Variants in SLIT1 observed in about 807,000 individuals in gnomAD.
SLIT1 encodes slit guidance ligand 1.
A neutral mutation model predicts 186.1 loss-of-function variants in SLIT1; 66 were observed. The observed-to-expected ratio is 0.35, with a 90% CI of 0.29 to 0.44. The LOEUF (loss-of-function observed/expected upper bound fraction) is 0.44. Among genes scored for constraint, SLIT1 ranks in the 20% least tolerant of loss-of-function variants. The pLI is 1.00. For missense variants in SLIT1, 1,638 were observed against 2,037.4 expected (o/e 0.80, Z 3.77); for synonymous variants, 761 against 833.8 (o/e 0.91, Z 1.50).
At chr10:97,102,952 GAGC>G (rs1849374956) in intron 4 of SLIT1, 1 of 152,228 alleles carries the variant, frequency 6.6e-6, no homozygotes, top group Non-Finnish European at 1.5e-5. Flanking sequence ...CTCAGAGTCT[GAGC>G]TACCATCAAA....
chr10:97,157,634 C>T (rs1403004791), intron 4 of SLIT1, 184 bp downstream of exon 4: 12 of 636,174 alleles, frequency 1.9e-5, no homozygotes, highest in East Asian at 1.3e-4. Context: ...TGGAGAAATA[C>T]CCTGCACAGC....
rs796735405 is a variant in SLIT1 at position 97,166,557 on chromosome 10, AAG to A, written c.198-1669_198-1668del. Among the ~76,000 whole-genome samples the A allele has an allele frequency of 2.2e-3, 120 of 55,174 alleles. 1 individual carries two copies. Among genetic ancestry groups the A allele is most frequent in the African/African-American group, 7.9e-3 (110 of 13,956 alleles). 36.2% of individuals were successfully genotyped at this position (55,174 alleles called of 152,430 possible). ...AAGGAAGGAAGGAAGGAAGGAAGGA[AAG>A]AGAGAGAGAGAGAAAGAAAGAAAGA... On this transcript the variant is annotated intron_variant, in intron 1 of 36. Coordinates refer to ENST00000266058, the MANE Select transcript of SLIT1 (RefSeq NM_003061.3).
intron 30 of SLIT1, among the ~76,000 whole-genome samples, chr10:97,011,598 C>T (rs926799258): frequency 1.3e-5 from 2 of 152,128 alleles, no homozygotes; most frequent in Admixed American, 1.3e-4. Context: ...AGGGCTAGTG[C>T]CCCCTGCTCA....
chr10:97,107,238 CAT>C (rs1229710453), intron 4 of SLIT1, among the ~76,000 whole-genome samples: 1 of 152,374 alleles, frequency 6.6e-6, no homozygotes, highest in East Asian at 1.9e-4. Context: ...TGAGCTGGCT[CAT>C]GTGCTGCTGA....
chr10:97,112,454 G>C (rs571785487), intron 4 of SLIT1, among the ~76,000 whole-genome samples: 2 of 152,296 alleles, frequency 1.3e-5, no homozygotes, highest in South Asian at 4.1e-4. Context: ...CTGGGCCTCA[G>C]GTCCCAGGAC....
At chr10:97,091,838 T>A (rs774864619) in intron 4 of SLIT1, among the ~76,000 whole-genome samples, 12 of 152,160 alleles carry the variant, frequency 7.9e-5, no homozygotes, top group Non-Finnish European at 5.9e-5. Context: ...GCCCTTGCAG[T>A]TCCCAAGTTG....
chr10:97,058,075 C>T (rs1348851059), intron 11 of SLIT1: 1 of 717,234 alleles, frequency 1.4e-6, no homozygotes, highest in Non-Finnish European at 2.6e-6. Context: ...GTGTGCCTGT[C>T]GTGTGTGGAC....
Position 97,018,661 on chromosome 10 carries a change from A to T in SLIT1, c.2894T>A (p.Leu965Gln). The T allele has an allele frequency of 6.3e-7, 1 of 1,591,236 alleles. No homozygotes were observed. Among genetic ancestry groups the T allele is most frequent in the Non-Finnish European group, 8.6e-7 (1 of 1,168,934 alleles). Residue 965 changes from leucine (L) to glutamine (Q), a missense_variant, in exon 28 of 37, where the codon CTG becomes CAG. Leu to Gln is a moderately radical substitution (Grantham distance 113, BLOSUM62 -2). Transcript: ENST00000266058. ...ACAGGGGCCACTGGAACAGCTGTCC[A>T]GGGACACCTCACAGTCTCGACCCTG... Reference protein sequence around the residue: ...GYKGRDCEVSLDSCSSGPCEN... With the variant: ...GYKGRDCEVSQDSCSSGPCEN...
chr10:97,169,261 C>T (rs901663791), intron 1 of SLIT1, among the ~76,000 whole-genome samples: 1 of 152,208 alleles, frequency 6.6e-6, no homozygotes, highest in African/African-American at 2.4e-5. Context: ...AATGCCTCCT[C>T]TCAGGGGAGA....
chr10:97,052,646 CTT>C (rs539492211), intron 13 of SLIT1, among the ~76,000 whole-genome samples: 155 of 152,050 alleles, frequency 1.0e-3, no homozygotes, highest in African/African-American at 3.7e-3. Flanking sequence ...AGAGCTGTTT[CTT>C]TTTTTTAAAT....
intron 2 of SLIT1, among the ~76,000 whole-genome samples, chr10:97,163,889 GA>G (rs1442013373): frequency 6.6e-6 from 1 of 152,234 alleles, no homozygotes; most frequent in Non-Finnish European, 1.5e-5. Context: ...CCAAGGGACA[GA>G]ACGGGGGGAC....
chr10:97,006,404 A>T lies in SLIT1; in HGVS notation c.3579+79T>A. On this transcript the variant is annotated intron_variant, in intron 32 of 36. Coordinates refer to ENST00000266058, the MANE Select transcript of SLIT1 (RefSeq NM_003061.3). The surrounding 1 kb of genome is among the most constrained non-coding windows in gnomAD (Gnocchi z 4.0). The stretch of plus-strand genomic sequence containing the variant: ...CCAGTTCCCCAGGCACCATGCAGGG[A>T]TGTATCCTGATGCTCTGGCCTAAGC... The T allele has an allele frequency of 1.1e-6, 1 of 941,888 alleles. No individual in the cohort carries two copies. The highest frequency in any genetic ancestry group is 1.6e-5 in the African/African-American group (1 of 62,246). The allele number at this position is 941,888 out of a possible 1,614,324, so 58.3% of individuals were successfully genotyped here.
At chr10:97,101,941 T>G (rs914498123) in intron 4 of SLIT1, 3 of 152,268 alleles carry the variant, frequency 2.0e-5, no homozygotes, top group Non-Finnish European at 4.4e-5. Context: ...CTAACCCAGC[T>G]GGGATCCTGC....
At chr10:97,012,997 A>G (rs1848424732) in intron 30 of SLIT1, among the ~76,000 whole-genome samples, 1 of 152,238 alleles carries the variant, frequency 6.6e-6, no homozygotes, top group South Asian at 2.1e-4. Context: ...AGTAACAAAC[A>G]TTTTCACATA....
intron 4 of SLIT1, among the ~76,000 whole-genome samples, chr10:97,140,321 C>G (rs910217565): frequency 6.6e-6 from 1 of 152,168 alleles, no homozygotes; most frequent in African/African-American, 2.4e-5. Flanking sequence ...TACCCTGCAG[C>G]TCTCAGGCCG....
chr10:97,034,780 C>G (rs1047215934), intron 22 of SLIT1, among the ~76,000 whole-genome samples: 14 of 152,144 alleles, frequency 9.2e-5, no homozygotes, highest in African/African-American at 3.1e-4. Context: ...CTGACCCTCA[C>G]CCCCATCCCT....
At chr10:97,014,615 C>T (rs1410426516) in intron 28 of SLIT1, among the ~76,000 whole-genome samples, 1 of 152,076 alleles carries the variant, frequency 6.6e-6, no homozygotes, top group African/African-American at 2.4e-5. Flanking sequence ...GCCTGTAATC[C>T]CAGCACTTTG....
At chr10:97,135,171 A>T (rs1458074963) in intron 4 of SLIT1, among the ~76,000 whole-genome samples, 1 of 152,192 alleles carries the variant, frequency 6.6e-6, no homozygotes, top group Non-Finnish European at 1.5e-5. Context: ...GGGCTTCACG[A>T]ACGGGACCCA....
chr10:97,031,293 GCAAA>G (rs1848588605), intron 24 of SLIT1, among the ~76,000 whole-genome samples: 1 of 152,170 alleles, frequency 6.6e-6, no homozygotes, highest in Admixed American at 6.5e-5. Flanking sequence ...CAAATCTCTT[GCAAA>G]CAAACATTCT....
Sources: allele counts gnomAD v4.1 joint callset (sites outside exome capture counted in the v4.1 genomes callset), GRCh38; gene constraint gnomAD v4.1.1; non-coding constraint Gnocchi (gnomAD v3.1); transcripts MANE v1.5; gene names NCBI Gene and HGNC (gene_info 2026-07-23, HGNC 2026-07-21).